JAKMIP2: variants seen among roughly 807,000 people sequenced by gnomAD.
JAKMIP2 encodes the protein janus kinase and microtubule interacting protein 2, also known as janus kinase and microtubule-interacting protein 2.
A neutral mutation model predicts 115.0 loss-of-function variants in JAKMIP2; 25 were observed. That is an observed-to-expected ratio of 0.22 (90% CI 0.16 to 0.30). JAKMIP2 has a LOEUF of 0.30. Ranked by LOEUF, JAKMIP2 falls within the 10% of genes least tolerant of loss-of-function variation. The pLI is 1.00. For synonymous variants in JAKMIP2, 334 were observed against 343.6 expected (o/e 0.97, Z 0.31); for missense variants, 642 against 957.6 (o/e 0.67, Z 4.35).
chr5:147,767,879 C>A (rs1475040724), intron 1 of JAKMIP2, among the ~76,000 whole-genome samples: 1 of 152,108 alleles, frequency 6.6e-6, no homozygotes, highest in Non-Finnish European at 1.5e-5. Flanking sequence ...GATGAAGTTT[C>A]AAGCATGCTG....
At chr5:147,707,374 A>C (rs17497229) in intron 1 of JAKMIP2, among the ~76,000 whole-genome samples, 1 of 152,088 alleles carries the variant, frequency 6.6e-6, no homozygotes, top group Non-Finnish European at 1.5e-5. Context: ...CGTAAGCACC[A>C]TATCTGTTAA....
intron 1 of JAKMIP2, among the ~76,000 whole-genome samples, chr5:147,724,524 T>C (rs916179232): frequency 6.6e-6 from 1 of 152,166 alleles, no homozygotes; most frequent in Non-Finnish European, 1.5e-5. Context: ...GTCCCTAAAA[T>C]CCTCTAAAAA....
intron 1 of JAKMIP2, among the ~76,000 whole-genome samples, chr5:147,717,412 A>G (rs1444242894): frequency 6.9e-6 from 1 of 144,092 alleles, no homozygotes; most frequent in Non-Finnish European, 1.5e-5. Context: ...TGGGGATGGC[A>G]TTGAATCTGT....
chr5:147,702,660 GA>G (rs763388302), intron 1 of JAKMIP2, among the ~76,000 whole-genome samples: 8 of 110,108 alleles, frequency 7.3e-5, no homozygotes, highest in South Asian at 3.0e-4. Context: ...AAGAAAGAAA[GA>G]AAGAGAGAGA....
At chr5:147,630,252 A>G (rs1331666899) in intron 14 of JAKMIP2, among the ~76,000 whole-genome samples, 2 of 152,140 alleles carry the variant, frequency 1.3e-5, no homozygotes, top group African/African-American at 4.8e-5. Flanking sequence ...ATTTTTTTAA[A>G]GGTGGTTAGC....
Position 147,681,195 on chromosome 5 carries a change from G to A in JAKMIP2, c.-148-9241C>T, listed in dbSNP as rs537146785. ...TGAAATATGCTTCATAAAGTATGGA[G>A]AGAAAGCACTCAGCACACATACAAG... On this transcript the variant is annotated intron_variant, in intron 1 of 21. Transcript: ENST00000616793. Among the ~76,000 whole-genome samples, 3 of 152,292 alleles carry A rather than the reference G, an allele frequency of 2.0e-5. No individual in the cohort carries two copies. In the East Asian group the frequency reaches 5.8e-4, roughly 29 times the overall value.
intron 1 of JAKMIP2, among the ~76,000 whole-genome samples, chr5:147,711,268 A>G (rs1410166239): frequency 6.6e-6 from 1 of 152,144 alleles, no homozygotes; most frequent in African/African-American, 2.4e-5. Context: ...AGTCATAATG[A>G]GGTAGTTGGC....
intron 1 of JAKMIP2, among the ~76,000 whole-genome samples, chr5:147,739,559 C>G (rs1754063323): frequency 6.6e-6 from 1 of 152,022 alleles, no homozygotes; most frequent in South Asian, 2.1e-4. Flanking sequence ...GAAGAGCCCA[C>G]AAAAAATGTC....
At chr5:147,595,467 G>T in intron 21 of JAKMIP2, 1 of 456,630 alleles carries the variant, frequency 2.2e-6, no homozygotes, top group South Asian at 1.5e-5. Flanking sequence ...CGCCATCTTG[G>T]AAGTAGACAC....
At chr5:147,751,698 T>A (rs1217158008) in intron 1 of JAKMIP2, among the ~76,000 whole-genome samples, 1 of 152,024 alleles carries the variant, frequency 6.6e-6, no homozygotes, top group Non-Finnish European at 1.5e-5. Flanking sequence ...AATTTTACTC[T>A]TTTTCCTTCT....
Position 147,644,112 on chromosome 5 carries a change from C to T in JAKMIP2, c.1170G>A (p.Glu390=), listed in dbSNP as rs2126726551. ...LDQANEEQET[E]FLKLQVIEQQ... is the part of the protein sequence containing the mutation. ...GCTCAATGACCTGAAGTTTTAGAAA[C>T]TCTGTTTCTTGTTCTTCATTAGCTT... is the stretch of plus-strand genomic sequence containing the variant. Residue 390 remains glutamate, a synonymous_variant, in exon 7 of 22, where the codon GAG becomes GAA. Coordinates refer to ENST00000616793, the MANE Select transcript of JAKMIP2 (RefSeq NM_001270941.2). 1 of 1,608,160 alleles carries T rather than the reference C, an allele frequency of 6.2e-7. No individual in the cohort carries two copies. Among genetic ancestry groups the T allele is most frequent in the East Asian group, 2.2e-5 (1 of 44,698 alleles).
intron 19 of JAKMIP2, among the ~76,000 whole-genome samples, chr5:147,613,222 G>A (rs991682683): frequency 6.6e-6 from 1 of 152,156 alleles, no homozygotes; most frequent in Non-Finnish European, 1.5e-5. Flanking sequence ...GCAATCTGAA[G>A]GTTTTTTTGT....
intron 1 of JAKMIP2, among the ~76,000 whole-genome samples, chr5:147,778,343 A>G (rs1330893187): frequency 6.6e-6 from 1 of 151,974 alleles, no homozygotes; most frequent in African/African-American, 2.4e-5. Flanking sequence ...CCCTAAGCAC[A>G]TAGTTAGTGT....
At chr5:147,736,000 C>T (rs1223624883) in intron 1 of JAKMIP2, among the ~76,000 whole-genome samples, 1 of 151,986 alleles carries the variant, frequency 6.6e-6, no homozygotes, top group African/African-American at 2.4e-5. Flanking sequence ...ATTCTCCTCT[C>T]TGAACCTCAG....
intron 1 of JAKMIP2, among the ~76,000 whole-genome samples, chr5:147,677,515 C>T (rs1378303671): frequency 6.6e-5 from 10 of 152,140 alleles, no homozygotes; most frequent in Non-Finnish European, 1.5e-4. Flanking sequence ...GCCTCTGTCC[C>T]TTCTCACCAA....
rs560184038 is a variant in JAKMIP2, at chr5:147,590,920, A to G, written c.*787T>C. 6.6e-6 allele frequency: 1 copy of G among 152,346 alleles called. No homozygotes were observed. Among genetic ancestry groups the G allele is most frequent in the Non-Finnish European group, 1.5e-5 (1 of 68,070 alleles). 9.4% of individuals were successfully genotyped at this position (152,346 alleles called of 1,614,324 possible). On this transcript the variant is annotated 3_prime_UTR_variant, in exon 22 of 22. Coordinates refer to ENST00000616793, the MANE Select transcript of JAKMIP2 (RefSeq NM_001270941.2). ...AGCATCGAATCTGCTTTTATTTCACATGTCACATTCGCTCGGGTCCTTTGA... is the reference window on the plus strand; with the variant it reads ...AGCATCGAATCTGCTTTTATTTCACGTGTCACATTCGCTCGGGTCCTTTGA...
At position 147,661,366 on chromosome 5, in the gene JAKMIP2, A is replaced by C; in HGVS notation, c.209T>G (p.Val70Gly). ...ELEQRKHTVLVTELKAKLHEE... is the reference protein window; with the variant it reads ...ELEQRKHTVLGTELKAKLHEE... ...ATGGAGCTTGGCTTTGAGTTCTGTC[A>C]CCAGCACCGTGTGCTTGCGCTGCTC... Residue 70 changes from valine to glycine, a missense_variant, in exon 3 of 22, where the codon GTG becomes GGG. Val to Gly is a moderately radical substitution (Grantham distance 109). Around this residue, in one of 6 missense-constraint regions of JAKMIP2, gnomAD observed 439 missense variants for 570.9 expected, o/e 0.77. Transcript: ENST00000616793. 2 of 1,613,654 alleles carry C rather than the reference A, an allele frequency of 1.2e-6. No homozygotes were observed.
chr5:147,769,421 T>G (rs1162021283), intron 1 of JAKMIP2, among the ~76,000 whole-genome samples: 1 of 152,154 alleles, frequency 6.6e-6, no homozygotes, highest in Non-Finnish European at 1.5e-5. Flanking sequence ...GTATGGATTT[T>G]TGTCCTGTCA....
chr5:147,728,528 AC>A (rs1383413858), intron 1 of JAKMIP2, among the ~76,000 whole-genome samples: 1 of 152,218 alleles, frequency 6.6e-6, no homozygotes, highest in East Asian at 1.9e-4. Flanking sequence ...AATGAAAAAA[AC>A]TTACACGTAC....
Sources: gnomAD v4.1 joint callset for allele counts (sites outside exome capture counted in the v4.1 genomes callset) on GRCh38, gnomAD v4.1.1 for gene constraint, gnomAD v4.1.1 regional missense constraint, MANE v1.5 for transcripts, NCBI Gene and HGNC (gene_info 2026-07-23, HGNC 2026-07-21) for gene names.